ACSM3: variants seen among roughly 807,000 people sequenced by gnomAD.
The protein encoded by ACSM3 is acyl-coenzyme A synthetase ACSM3, mitochondrial.
In ACSM3, 61 loss-of-function variants were observed where a neutral mutation model predicts 74.1. That is an observed-to-expected ratio of 0.82 (90% CI 0.67 to 1.02). The LOEUF (loss-of-function observed/expected upper bound fraction) is 1.02, where lower values mean the gene tolerates loss of function less well. Among genes scored for constraint, ACSM3 ranks in the 50% least tolerant of loss-of-function variants. The pLI is 0.00. For missense variants in ACSM3, 660 were observed against 697.0 expected, an observed-to-expected ratio of 0.95 and a Z score of 0.60; for synonymous variants, 213 against 241.5, an observed-to-expected ratio of 0.88 and a Z score of 1.09.
intron 1 of ACSM3, among the ~76,000 whole-genome samples, chr16:20,726,608 C>G (rs1309569428): frequency 6.6e-6 from 1 of 152,220 alleles, no homozygotes; most frequent in Admixed American, 6.5e-5. Flanking sequence ...GAGAAGCAAG[C>G]TGTTCTAGGC....
chr16:20,781,108 T>C lies in ACSM3; in HGVS notation c.917T>C (p.Phe306Ser). The C allele has an allele frequency of 6.2e-7, 1 of 1,614,080 alleles. No individual in the cohort carries two copies. Residue 306 changes from phenylalanine to serine, a missense_variant, in exon 6 of 14, where the codon TTT (phenylalanine) becomes TCT (serine). Physicochemically the swap from Phe to Ser is radical, Grantham distance 155 (BLOSUM62 -2). Coordinates refer to ENST00000289416, the MANE Select transcript of ACSM3 (RefSeq NM_005622.4). ...ACVFTHHLPRFEPTSILQTLS... is the reference protein window; with the variant it reads ...ACVFTHHLPRSEPTSILQTLS... ...GTATTCACACACCATTTACCCCGTT[T>C]TGAGCCGACTTCTATCTTGCAAGTA...
At chr16:20,688,824 G>A (rs1447989430) in intron 1 of ACSM3, among the ~76,000 whole-genome samples, 1 of 151,798 alleles carries the variant, frequency 6.6e-6, no homozygotes. Flanking sequence ...ATATGAAAAT[G>A]TAAAGTTCTC....
intron 1 of ACSM3, chr16:20,737,745 AC>A: frequency 6.2e-7 from 1 of 1,613,638 alleles, no homozygotes; most frequent in Non-Finnish European, 8.5e-7. Flanking sequence ...TATTCACATG[AC>A]TGTTATTTCG....
intron 3 of ACSM3, among the ~76,000 whole-genome samples, chr16:20,756,058 A>G (rs2080029200): frequency 6.6e-6 from 1 of 152,058 alleles, no homozygotes; most frequent in Non-Finnish European, 1.5e-5. Context: ...ATTGGTTCCA[A>G]GTCTTTGCTA....
intron 2 of ACSM3, among the ~76,000 whole-genome samples, chr16:20,771,918 C>A (rs1257118351): frequency 6.6e-6 from 1 of 152,136 alleles, no homozygotes; most frequent in African/African-American, 2.4e-5. Flanking sequence ...GTCTTTTTGA[C>A]AATAGCCATT....
intron 1 of ACSM3, among the ~76,000 whole-genome samples, chr16:20,688,873 A>G (rs1473111104): frequency 6.6e-6 from 1 of 151,570 alleles, no homozygotes; most frequent in East Asian, 1.9e-4. Context: ...AAAAATCAAT[A>G]TTATTATAAG....
At chr16:20,762,365 A>G (rs2080084694), upstream of ACSM3, among the ~76,000 whole-genome samples, 1 of 152,182 alleles carries the variant, frequency 6.6e-6, no homozygotes. Flanking sequence ...TGGAAGCCAG[A>G]ATTTACTCAA....
chr16:20,714,674 G>A (rs2079754952), intron 1 of ACSM3, among the ~76,000 whole-genome samples: 1 of 152,138 alleles, frequency 6.6e-6, no homozygotes, highest in African/African-American at 2.4e-5. Flanking sequence ...GGTGATCAGT[G>A]GGTGGGTACC....
intron 1 of ACSM3, among the ~76,000 whole-genome samples, chr16:20,689,024 A>G (rs2079605331): frequency 6.7e-6 from 1 of 149,028 alleles, no homozygotes; most frequent in Admixed American, 6.7e-5. Flanking sequence ...GTTAACATAT[A>G]TTTACAATAT....
intron 13 of ACSM3, 188 bp downstream of exon 13, chr16:20,796,677 C>G: frequency 6.8e-7 from 1 of 1,475,480 alleles, no homozygotes; most frequent in Non-Finnish European, 8.9e-7. Flanking sequence ...TTTGTTTGGT[C>G]CTTTGGCTTA....
chr16:20,716,951 T>C (rs550933394), intron 1 of ACSM3, among the ~76,000 whole-genome samples: 75 of 152,332 alleles, frequency 4.9e-4, no homozygotes, highest in African/African-American at 1.3e-3. Context: ...TGTCTTTGGA[T>C]TTAGTAACCC....
chr16:20,674,436 G>A (rs774559370), upstream of ACSM3: 147 of 164,566 alleles, frequency 8.9e-4, no homozygotes, highest in Non-Finnish European at 5.2e-4. Flanking sequence ...CCCCTGAACA[G>A]ATCTCTCCCT....
At chr16:20,786,783 G>A (rs1227359279) in intron 9 of ACSM3, among the ~76,000 whole-genome samples, 1 of 152,192 alleles carries the variant, frequency 6.6e-6, no homozygotes, top group Non-Finnish European at 1.5e-5. Context: ...AGAGGTAAAA[G>A]AACTCACCAG....
At chr16:20,730,495 C>CA (rs996990255) in intron 1 of ACSM3, among the ~76,000 whole-genome samples, 2 of 152,174 alleles carry the variant, frequency 1.3e-5, no homozygotes, top group Non-Finnish European at 2.9e-5. Flanking sequence ...GACAAAATTT[C>CA]AAAAGTTTGT....
chr16:20,711,534 A>C, intron 1 of ACSM3: 1 of 1,424,800 alleles, frequency 7.0e-7, no homozygotes. Context: ...ACCGGCTGCA[A>C]GCATCCAAGG....
At chr16:20,753,216 G>A (rs1379183407) in intron 2 of ACSM3, among the ~76,000 whole-genome samples, 1 of 151,930 alleles carries the variant, frequency 6.6e-6, no homozygotes, top group Non-Finnish European at 1.5e-5. Context: ...TGTAATCCCA[G>A]CACTTTGGGA....
At chr16:20,702,635 C>T (rs540536348) in intron 1 of ACSM3, among the ~76,000 whole-genome samples, 2 of 152,252 alleles carry the variant, frequency 1.3e-5, no homozygotes, top group Admixed American at 6.5e-5. Context: ...TGTTCATATC[C>T]TTTGCCTATT....
At chr16:20,713,584 C>G (rs1373558461) in intron 1 of ACSM3, among the ~76,000 whole-genome samples, 3 of 152,156 alleles carry the variant, frequency 2.0e-5, no homozygotes, top group African/African-American at 7.2e-5. Flanking sequence ...CAATTCTTGT[C>G]TCTTCTCTAT....
intron 1 of ACSM3, among the ~76,000 whole-genome samples, chr16:20,745,314 G>C (rs948254427): frequency 6.6e-6 from 1 of 152,008 alleles, no homozygotes; most frequent in Non-Finnish European, 1.5e-5. Context: ...GGCCAGGCAC[G>C]GTGGCTCACG....
Sources: allele counts gnomAD v4.1 joint callset (sites outside exome capture counted in the v4.1 genomes callset), GRCh38; gene constraint gnomAD v4.1.1; transcripts MANE v1.5; gene names NCBI Gene and HGNC (gene_info 2026-07-23, HGNC 2026-07-21).